MIPOL1: variants seen among roughly 807,000 people sequenced by gnomAD.
MIPOL1 encodes the protein mirror-image polydactyly gene 1 protein.
A neutral mutation model predicts 60.9 loss-of-function variants in MIPOL1; 57 were observed. That is an observed-to-expected ratio of 0.94 (90% CI 0.76 to 1.17). The LOEUF (loss-of-function observed/expected upper bound fraction) is 1.17, where lower values mean the gene tolerates loss of function less well. Ranked by LOEUF, MIPOL1 falls within the 50% of genes most tolerant of loss-of-function variation. The probability of loss-of-function intolerance (pLI) is 0.00; values close to 1 mark genes in which losing one functional copy is unlikely to be tolerated. For missense variants in MIPOL1, 551 were observed against 511.6 expected, an observed-to-expected ratio of 1.08 and a Z score of -0.74; for synonymous variants, 179 against 168.8, an observed-to-expected ratio of 1.06 and a Z score of -0.47.
chr14:37,278,210 G>A (rs901932050), intron 6 of MIPOL1: 4 of 151,414 alleles, frequency 2.6e-5, no homozygotes, highest in Non-Finnish European at 3.0e-5. Flanking sequence ...AATTTGAGTC[G>A]GTTTTGGTTA....
At chr14:37,456,584 A>G (rs183166082) in intron 11 of MIPOL1, among the ~76,000 whole-genome samples, 14 of 152,286 alleles carry the variant, frequency 9.2e-5, no homozygotes, top group Admixed American at 9.2e-4. Flanking sequence ...ATGGAATTAT[A>G]AGGGCAATAA....
At position 37,372,630 on chromosome 14, in the gene MIPOL1, CT is replaced by C. The variant is rs1396955731; in HGVS notation, c.936+3007del. On this transcript the variant is annotated intron_variant, in intron 10 of 12. Transcript: ENST00000684589. ...ATGAGCAAGGCGTGGTGGTGGGTGC[CT>C]GTAATCCTAGCTACTCAGGAGACTG... Among the ~76,000 whole-genome samples, 2 of 151,928 alleles carry C rather than the reference CT, an allele frequency of 1.3e-5. 1 individual carries two copies. The highest frequency in any genetic ancestry group is 6.4e-3 in the Middle Eastern group (2 of 314).
chr14:37,374,621 A>G (rs183658690), intron 10 of MIPOL1, among the ~76,000 whole-genome samples: 13 of 152,098 alleles, frequency 8.5e-5, no homozygotes, highest in Admixed American at 3.3e-4. Context: ...AGTTTTCCCA[A>G]CACCATTTAT....
chr14:37,316,838 C>T (rs934706269), intron 9 of MIPOL1, among the ~76,000 whole-genome samples: 11 of 151,874 alleles, frequency 7.2e-5, no homozygotes, highest in African/African-American at 2.4e-4. Context: ...ATTAGCTGGG[C>T]GCAGTGGCAG....
chr14:37,406,858 A>G (rs1007095315), intron 10 of MIPOL1, among the ~76,000 whole-genome samples: 4 of 152,134 alleles, frequency 2.6e-5, no homozygotes, highest in African/African-American at 9.6e-5. Context: ...AACCAGTGAA[A>G]TAGTCAGTGG....
At chr14:37,206,954 C>T (rs1471698970) in intron 1 of MIPOL1, among the ~76,000 whole-genome samples, 5 of 152,186 alleles carry the variant, frequency 3.3e-5, no homozygotes, top group Non-Finnish European at 5.9e-5. Flanking sequence ...GTGGAAAAGA[C>T]TTGCCTTGTC....
chr14:37,297,458 A>T (rs1465591367), intron 7 of MIPOL1, among the ~76,000 whole-genome samples: 1 of 152,162 alleles, frequency 6.6e-6, no homozygotes, highest in African/African-American at 2.4e-5. Flanking sequence ...TGGCCAGGGC[A>T]ATCAGGCAGG....
chr14:37,336,816 A>C (rs1204261584), intron 9 of MIPOL1, among the ~76,000 whole-genome samples: 1 of 151,938 alleles, frequency 6.6e-6, no homozygotes, highest in Admixed American at 6.6e-5. Flanking sequence ...GCTAGAGTTC[A>C]GTGGCATGAT....
intron 9 of MIPOL1, among the ~76,000 whole-genome samples, chr14:37,340,571 G>A (rs2090494031): frequency 6.6e-6 from 1 of 151,790 alleles, no homozygotes; most frequent in Non-Finnish European, 1.5e-5. Flanking sequence ...TTAGTTGGAT[G>A]TGGTGGTGCG....
intron 6 of MIPOL1, chr14:37,277,857 G>A (rs966073395): frequency 3.3e-5 from 5 of 151,324 alleles, no homozygotes; most frequent in Non-Finnish European, 7.4e-5. Context: ...GTTGGAAATG[G>A]TGTACAATCT....
At chr14:37,231,815 C>T (rs983673820) in intron 1 of MIPOL1, among the ~76,000 whole-genome samples, 10 of 152,122 alleles carry the variant, frequency 6.6e-5, no homozygotes, top group African/African-American at 1.4e-4. Context: ...AGTAGTGGCT[C>T]GCACCTGTTA....
chr14:37,307,984 T>G, intron 7 of MIPOL1, 72 bp from the exon 8 acceptor site: 1 of 1,300,756 alleles, frequency 7.7e-7, no homozygotes, highest in Non-Finnish European at 1.1e-6. Context: ...TTCTAAAGAT[T>G]TAAAAAGCGA....
intron 1 of MIPOL1, among the ~76,000 whole-genome samples, chr14:37,225,378 T>TC (rs1268015391): frequency 1.3e-5 from 2 of 152,198 alleles, no homozygotes; most frequent in African/African-American, 4.8e-5. Flanking sequence ...TGCCTGGACA[T>TC]CCAGGCATTT....
intron 1 of MIPOL1, among the ~76,000 whole-genome samples, chr14:37,232,677 G>A (rs1338929863): frequency 6.6e-6 from 1 of 152,042 alleles, no homozygotes; most frequent in Non-Finnish European, 1.5e-5. Flanking sequence ...ATTGATGGAG[G>A]CATTTACTTG....
chr14:37,490,580 G>T (rs575675646), intron 11 of MIPOL1, among the ~76,000 whole-genome samples: 1 of 152,114 alleles, frequency 6.6e-6, no homozygotes, highest in African/African-American at 2.4e-5. Context: ...CCTTGGTGGC[G>T]TAGGCACCAG....
At chr14:37,490,313 G>A (rs2095029597) in intron 11 of MIPOL1, among the ~76,000 whole-genome samples, 2 of 152,098 alleles carry the variant, frequency 1.3e-5, no homozygotes, top group African/African-American at 2.4e-5. Context: ...TACCAAGCTG[G>A]TGCATCCGAG....
intron 12 of MIPOL1, among the ~76,000 whole-genome samples, chr14:37,527,977 AG>A (rs2095457879): frequency 6.6e-6 from 1 of 152,074 alleles, no homozygotes; most frequent in Admixed American, 6.5e-5. Context: ...TGAAAAAAAA[AG>A]ATTGCATTTT....
intron 3 of MIPOL1, among the ~76,000 whole-genome samples, chr14:37,263,020 C>T (rs902379422): frequency 7.2e-5 from 11 of 152,114 alleles, no homozygotes; most frequent in African/African-American, 2.7e-4. Context: ...TTACTTTTGG[C>T]AATGAGTCAT....
Position 37,266,204 on chromosome 14 carries a change from A to C in MIPOL1, c.20-734A>C, listed in dbSNP as rs139670648. ...AATAGTGGTAATTTATCAAGAGTTC[A>C]GGGGATCACAAAATTTCACATTAGG... On this transcript the variant is annotated intron_variant, in intron 3 of 12. Coordinates refer to ENST00000684589, the MANE Select transcript of MIPOL1 (RefSeq NM_001388067.1). 1.8e-3 allele frequency among the ~76,000 whole-genome samples: 270 copies of C among 152,308 alleles called. 3 individuals are homozygous for C. Among genetic ancestry groups the C allele is most frequent in the African/African-American group, 6.4e-3 (265 of 41,578 alleles).
Sources: allele counts gnomAD v4.1 joint callset (sites outside exome capture counted in the v4.1 genomes callset), GRCh38; gene constraint gnomAD v4.1.1; transcripts MANE v1.5; gene names NCBI Gene and HGNC (gene_info 2026-07-23, HGNC 2026-07-21).